The following SGIP1 variants were observed in gnomAD, a reference collection of about 807,000 sequenced individuals.
The protein encoded by SGIP1 is SH3GL interacting endocytic adaptor 1, also known as SH3-containing GRB2-like protein 3-interacting protein 1.
SGIP1 carries 38 observed loss-of-function variants against 107.5 expected under a neutral mutation model. That is an observed-to-expected ratio of 0.35 (90% confidence interval 0.27 to 0.46). The LOEUF (loss-of-function observed/expected upper bound fraction) is 0.46, where lower values mean the gene tolerates loss of function less well. Among genes scored for constraint, SGIP1 ranks in the 20% least tolerant of loss-of-function variants. SGIP1 has a pLI of 1.00. For missense variants in SGIP1, 929 were observed against 1,019.5 expected (o/e 0.91, Z 1.21); for synonymous variants, 365 against 366.1 (o/e 1.00, Z 0.03).
intron 1 of SGIP1, among the ~76,000 whole-genome samples, chr1:66,536,426 A>T (rs2053625625): frequency 6.6e-6 from 1 of 152,214 alleles, no homozygotes; most frequent in African/African-American, 2.4e-5. Context: ...TAGAAAGGCA[A>T]ATAGGAGTTT....
chr1:66,643,547 C>T lies in SGIP1; in HGVS notation c.287C>T (p.Thr96Ile). ...YSIRPEEPGS[T>I]KGKHFYSSSE... is the part of the protein sequence containing the mutation. The stretch of plus-strand genomic sequence containing the variant: ...TGTATCTTTAACTGTGTTCTACCTA[C>T]CAAAGGAAAGCACTTTTATTCTTCA... Residue 96 changes from threonine to isoleucine, a missense_variant, in exon 7 of 25, where the codon ACC becomes ATC. By Grantham distance (89) the Thr-to-Ile change is moderately conservative (BLOSUM62 -1). This residue lies in a region of SGIP1 where 588 missense variants were observed against 588.6 expected (regional missense o/e 1.00). Coordinates refer to ENST00000371037, the MANE Select transcript of SGIP1 (RefSeq NM_032291.4). 1.9e-6 allele frequency: 3 copies of T among 1,605,248 alleles called. No homozygotes were observed. Among genetic ancestry groups the T allele is most frequent in the African/African-American group, 2.7e-5 (2 of 74,358 alleles).
intron 18 of SGIP1, among the ~76,000 whole-genome samples, chr1:66,718,274 G>A (rs906181714): frequency 6.6e-6 from 1 of 151,910 alleles, no homozygotes; most frequent in African/African-American, 2.4e-5. Flanking sequence ...GAAGCAGTGA[G>A]TATTACCAAA....
rs372704423 is a variant in SGIP1 at position 66,539,197 on chromosome 1, A to G, written c.10+4829A>G. ...GAATTTGGGCTCATGTGTCTGAGTA[A>G]GTCCCATTTGGAGAAATTAACTGAA... On this transcript the variant is annotated intron_variant, in intron 1 of 24. Coordinates refer to ENST00000371037, the MANE Select transcript of SGIP1 (RefSeq NM_032291.4). 4.6e-5 allele frequency among the ~76,000 whole-genome samples: 7 copies of G among 152,340 alleles called. No homozygotes were observed. In the South Asian group the frequency reaches 1.2e-3, roughly 27 times the overall value.
In SGIP1 at chr1:66,747,063, T is replaced by C. The variant is rs2094562424; in HGVS notation, c.*3968T>C. 6.6e-6 allele frequency: 1 copy of C among 152,112 alleles called. No individual in the cohort carries two copies. Among genetic ancestry groups the C allele is most frequent in the African/African-American group, 2.4e-5 (1 of 41,474 alleles). The allele number at this position is 152,112 out of a possible 1,614,324, so 9.4% of individuals were successfully genotyped here. A position where few individuals can be genotyped will look rare whatever the true frequency, so the allele number is the denominator to read the frequency against. Reference sequence around the variant, plus strand: ...ACCACATATCAATGTCTTCCATCTCTGAAATTCCATGATTCTACTTTACTC... The same window carrying C: ...ACCACATATCAATGTCTTCCATCTCCGAAATTCCATGATTCTACTTTACTC... On this transcript the variant is annotated 3_prime_UTR_variant, in exon 25 of 25. Coordinates refer to ENST00000371037, the MANE Select transcript of SGIP1 (RefSeq NM_032291.4).
chr1:66,624,376 G>A (rs2072055688), intron 1 of SGIP1, among the ~76,000 whole-genome samples: 1 of 152,186 alleles, frequency 6.6e-6, no homozygotes, highest in Non-Finnish European at 1.5e-5. Context: ...AATATTATGG[G>A]TGGGTAGTTT....
chr1:66,728,047 T>A (rs1033195268), intron 19 of SGIP1, among the ~76,000 whole-genome samples: 18 of 151,510 alleles, frequency 1.2e-4, no homozygotes, highest in Admixed American at 2.0e-4. Flanking sequence ...AAGCCTTTTT[T>A]AAAAAAAAAG....
chr1:66,630,853 A>G (rs144541666), intron 2 of SGIP1, among the ~76,000 whole-genome samples: 2,644 of 31,972 alleles, frequency 0.083, 52 homozygotes, highest in East Asian at 0.33. Flanking sequence ...GAAAGAAAGA[A>G]AGAAAGAAAG....
chr1:66,624,998 A>T (rs1337989053), intron 1 of SGIP1, among the ~76,000 whole-genome samples: 1 of 152,172 alleles, frequency 6.6e-6, no homozygotes, highest in Non-Finnish European at 1.5e-5. Flanking sequence ...TGAAATCACA[A>T]ATATTATCTG....
chr1:66,673,140 G>A, intron 11 of SGIP1, 141 bp from the exon 12 acceptor site: 1 of 767,566 alleles, frequency 1.3e-6, no homozygotes, highest in Non-Finnish European at 2.2e-6. Context: ...GCCCTAACGG[G>A]GCTTGTATAC....
At chr1:66,733,721 C>T in intron 20 of SGIP1, 27 bp from the exon 21 acceptor site, 1 of 1,604,202 alleles carries the variant, frequency 6.2e-7, no homozygotes, top group Non-Finnish European at 8.5e-7. Context: ...AGATGCTACT[C>T]AATCATTTTT....
chr1:66,697,555 TA>T (rs1408152579), intron 18 of SGIP1, among the ~76,000 whole-genome samples: 9 of 152,190 alleles, frequency 5.9e-5, no homozygotes, highest in Non-Finnish European at 1.3e-4. Context: ...TTTCTCTCGC[TA>T]AAAAATGTTT....
intron 13 of SGIP1, 46 bp downstream of exon 13, chr1:66,677,142 T>G: frequency 6.8e-7 from 1 of 1,479,112 alleles, no homozygotes; most frequent in Non-Finnish European, 9.4e-7. Flanking sequence ...TGACTCATTT[T>G]AGTGTCTGTC....
intron 7 of SGIP1, among the ~76,000 whole-genome samples, chr1:66,648,173 C>T (rs2077999694): frequency 6.6e-6 from 1 of 152,138 alleles, no homozygotes; most frequent in Admixed American, 6.5e-5. Flanking sequence ...GTGGGCCACA[C>T]TAGGAAGGGG....
At chr1:66,654,986 C>T (rs1333831813) in intron 7 of SGIP1, among the ~76,000 whole-genome samples, 1 of 152,160 alleles carries the variant, frequency 6.6e-6, no homozygotes, top group Non-Finnish European at 1.5e-5. Flanking sequence ...TTTTTAAACA[C>T]AGCACAGGGA....
At position 66,627,013 on chromosome 1, in the gene SGIP1, A is replaced by G. The variant is rs1570824811; in HGVS notation, c.74+1103A>G. Among the ~76,000 whole-genome samples, 3 of 152,206 alleles carry G rather than the reference A, an allele frequency of 2.0e-5. No homozygotes were observed. In the East Asian group the frequency reaches 5.8e-4, roughly 29 times the overall value. On this transcript the variant is annotated intron_variant, in intron 2 of 24. Transcript: ENST00000371037. ...CTTGTCCTTTAAGAATTTATGATTC[A>G]TGAGATAAAATATCTACTACATAAA... is the stretch of plus-strand genomic sequence containing the variant.
Position 66,685,139 on chromosome 1 carries a change from T to C in SGIP1, c.1315+2770T>C, listed in dbSNP as rs117550862. On this transcript the variant is annotated intron_variant, in intron 15 of 24. Transcript: ENST00000371037. Reference sequence around the variant, plus strand: ...TTTAAAGATTAGCAGTGCTTCTCACTACCTGCTTTTCATAACATTAGGCCT... The same window carrying C: ...TTTAAAGATTAGCAGTGCTTCTCACCACCTGCTTTTCATAACATTAGGCCT... 4.5e-3 allele frequency among the ~76,000 whole-genome samples: 681 copies of C among 152,354 alleles called. 21 individuals carry two copies. In the East Asian group the frequency reaches 0.059, roughly 13 times the overall value.
At chr1:66,598,331 T>C (rs1044625385) in intron 1 of SGIP1, among the ~76,000 whole-genome samples, 1 of 152,216 alleles carries the variant, frequency 6.6e-6, no homozygotes, top group Non-Finnish European at 1.5e-5. Flanking sequence ...CCTACTGTGT[T>C]AGAGCCACAG....
chr1:66,630,909 AGGGAGGGAGGGAGGAAGGAAG>A (rs2074363069), intron 2 of SGIP1, among the ~76,000 whole-genome samples: 3 of 48,166 alleles, frequency 6.2e-5, no homozygotes, highest in Admixed American at 2.4e-4. Context: ...GAAAGAAGGG[AGGGAGGGAGGGAGGAAGGAAG>A]GAAGGAAAGA....
Position 66,746,979 on chromosome 1 carries a change from C to G in SGIP1, c.*3884C>G, listed in dbSNP as rs1046379678. The G allele has an allele frequency of 6.6e-6, 1 of 152,064 alleles. No individual in the cohort carries two copies. The highest frequency in any genetic ancestry group is 1.5e-5 in the Non-Finnish European group (1 of 67,944). 9.4% of individuals were successfully genotyped at this position (152,064 alleles called of 1,614,324 possible). ...GATTTTGGCTTGGTCACCACTATGC[C>G]TGGAAGATAGTAGGCACTGATAAAC... On this transcript the variant is annotated 3_prime_UTR_variant, in exon 25 of 25. Transcript: ENST00000371037.
Sources: allele counts gnomAD v4.1 joint callset (sites outside exome capture counted in the v4.1 genomes callset), GRCh38; gene constraint gnomAD v4.1.1; regional missense constraint gnomAD v4.1.1; transcripts MANE v1.5; gene names NCBI Gene and HGNC (gene_info 2026-07-23, HGNC 2026-07-21).